The following PRMT7 variants were observed in gnomAD, a reference collection of about 807,000 sequenced individuals.
PRMT7 encodes the protein protein arginine methyltransferase 7, also known as protein arginine N-methyltransferase 7.
PRMT7 carries 75 observed loss-of-function variants against 85.4 expected under a neutral mutation model. The observed-to-expected ratio is 0.88, with a 90% CI of 0.73 to 1.06. PRMT7 has a LOEUF of 1.06. Ranked by LOEUF, PRMT7 falls within the 50% of genes least tolerant of loss-of-function variation. PRMT7 has a pLI of 0.00. For synonymous variants in PRMT7, 397 were observed against 359.5 expected (o/e 1.10, Z -1.18); for missense variants, 868 against 915.2 (o/e 0.95, Z 0.67).
At chr16:68,356,965 T>G (rs1230049841) in intron 18 of PRMT7, 89 bp from the exon 19 acceptor site, 2 of 1,458,704 alleles carry the variant, frequency 1.4e-6, no homozygotes, top group African/African-American at 2.8e-5. Flanking sequence ...AGCTTCTCTC[T>G]GCTGCGAGCT....
At position 68,347,273 on chromosome 16, in the gene PRMT7, C is replaced by T; in HGVS notation, c.1254C>T (p.Ala418=). Residue 418 remains alanine (A), a synonymous_variant, in exon 12 of 19, where the codon GCC becomes GCT. Coordinates refer to ENST00000441236, the MANE Select transcript of PRMT7 (RefSeq NM_019023.5). ...ATGGCAGCCTGCTCTCCGTGCTGGC[C>T]CATCACCTGGGGGTGGAGCAGGTAC... ...VSDGSLLSVL[A]HHLGVEQVFT... The T allele has an allele frequency of 6.5e-7, 1 of 1,549,814 alleles. No homozygotes were observed. Among genetic ancestry groups the T allele is most frequent in the Non-Finnish European group, 8.7e-7 (1 of 1,145,136 alleles).
At chr16:68,318,032 C>T (rs921588375) in intron 3 of PRMT7, among the ~76,000 whole-genome samples, 1 of 151,932 alleles carries the variant, frequency 6.6e-6, no homozygotes, top group African/African-American at 2.4e-5. Flanking sequence ...TTTGCCACTT[C>T]TTTACTCTCT....
rs553603708 is a variant in PRMT7, at chr16:68,346,286, T to C, written c.1191+6T>C. ...ACGTCCAGGCTCTGAGGACCGTAAG[T>C]GTCCAGCCCCTTGGCTTGTTGTGGG... On this transcript the variant is annotated splice_donor_region_variant and intron_variant, in intron 11 of 18. Transcript: ENST00000441236. The C allele has an allele frequency of 3.1e-6, 5 of 1,613,960 alleles. No individual in the cohort carries two copies. In the South Asian group the frequency reaches 5.5e-5, roughly 18 times the overall value.
chr16:68,336,008 C>G (rs528716182), intron 6 of PRMT7, among the ~76,000 whole-genome samples: 78 of 152,232 alleles, frequency 5.1e-4, no homozygotes, highest in Admixed American at 1.3e-3. Flanking sequence ...AACTTCTGAC[C>G]TCAGGTGATC....
Position 68,321,281 on chromosome 16 carries a change from AT to A in PRMT7, c.96-144del, listed in dbSNP as rs2082457194. On this transcript the variant is annotated intron_variant, in intron 3 of 18. Transcript: ENST00000441236. ...GAGACCCTGTCTCAAAAAAAAAAAA[AT>A]AAATAAAGATAAAAGACAACCAAAA... 3.4e-5 allele frequency: 20 copies of A among 591,092 alleles called. No homozygotes were observed. In the South Asian group the frequency reaches 3.6e-4, roughly 11 times the overall value. The allele number at this position is 591,092 out of a possible 1,614,324, so 36.6% of individuals were successfully genotyped here.
intron 1 of PRMT7, 125 bp downstream of exon 1, chr16:68,311,224 G>A (rs1232569684): frequency 7.8e-6 from 4 of 515,594 alleles, no homozygotes; most frequent in African/African-American, 5.8e-5. Context: ...ACTCCTCCGC[G>A]TGGGGCAGCT....
chr16:68,357,654 T>C lies in PRMT7; in HGVS notation c.*430T>C, dbSNP rs922381151. Reference sequence around the variant, plus strand: ...CTCTCGAGGATCTCCGGGTCCCTGCTCTTCTGGCTTCTGCTAGGAGGGTGG... The same window carrying C: ...CTCTCGAGGATCTCCGGGTCCCTGCCCTTCTGGCTTCTGCTAGGAGGGTGG... On this transcript the variant is annotated 3_prime_UTR_variant, in exon 19 of 19. Transcript: ENST00000441236. The C allele has an allele frequency of 5.0e-4, 17 of 34,216 alleles. No individual in the cohort carries two copies. Among genetic ancestry groups the C allele is most frequent in the Admixed American group, 6.0e-4 (2 of 3,346 alleles). 2.1% of individuals were successfully genotyped at this position (34,216 alleles called of 1,614,324 possible).
In PRMT7 at chr16:68,337,513, A is replaced by T; in HGVS notation, c.446A>T (p.Glu149Val). ...NILVTELFDT[E>V]LIGEGALPSY... ...CTGGTCACAGAGTTGTTTGACACAG[A>T]GCTGATCGGGGAGGGGGCGCTGCCC... Residue 149 changes from glutamate to valine, a missense_variant, in exon 7 of 19, where the codon GAG (glutamate) becomes GTG (valine). Physicochemically the swap from Glu to Val is moderately radical, Grantham distance 121. Coordinates refer to ENST00000441236, the MANE Select transcript of PRMT7 (RefSeq NM_019023.5). 6.2e-7 allele frequency: 1 copy of T among 1,612,558 alleles called. No individual in the cohort carries two copies. The highest frequency in any genetic ancestry group is 8.5e-7 in the Non-Finnish European group (1 of 1,179,066).
chr16:68,338,975 T>A (rs1370032743), intron 7 of PRMT7, among the ~76,000 whole-genome samples: 1 of 152,022 alleles, frequency 6.6e-6, no homozygotes, highest in Non-Finnish European at 1.5e-5. Flanking sequence ...ACAAGGAGGC[T>A]CTTGTTTTGG....
intron 17 of PRMT7, 44 bp from the exon 18 acceptor site, chr16:68,356,657 C>A: frequency 6.7e-7 from 1 of 1,485,406 alleles, no homozygotes; most frequent in Non-Finnish European, 9.3e-7. Flanking sequence ...TCCCCCGCTG[C>A]CTCTTGTGTG....
At chr16:68,350,001 G>T (rs562680123) in intron 14 of PRMT7, among the ~76,000 whole-genome samples, 1 of 152,350 alleles carries the variant, frequency 6.6e-6, no homozygotes, top group East Asian at 1.9e-4. Flanking sequence ...CCACTGGTCT[G>T]GTTTGTGTCT....
intron 14 of PRMT7, 40 bp from the exon 15 acceptor site, chr16:68,352,208 C>CCTA: frequency 6.2e-7 from 1 of 1,602,952 alleles, no homozygotes; most frequent in African/African-American, 1.3e-5. Context: ...TGGACCGAGC[C>CCTA]CTACTGACAC....
chr16:68,312,229 A>ATATTTTTT (rs1419393129), intron 2 of PRMT7, 53 bp downstream of exon 2: 13 of 112,680 alleles, frequency 1.2e-4, no homozygotes, highest in African/African-American at 4.8e-4. Flanking sequence ...ATATATATAT[A>ATATTTTTT]TTTTTTTTTT....
At chr16:68,349,395 A>G (rs1251698774) in intron 14 of PRMT7, among the ~76,000 whole-genome samples, 1 of 152,176 alleles carries the variant, frequency 6.6e-6, no homozygotes, top group Non-Finnish European at 1.5e-5. Context: ...TCCAGCTGCC[A>G]TCCTGTCACC....
chr16:68,357,087 G>A lies in PRMT7; in HGVS notation c.1942G>A (p.Ala648Thr). 1.9e-6 allele frequency: 3 copies of A among 1,612,700 alleles called. No individual in the cohort carries two copies. Among genetic ancestry groups the A allele is most frequent in the Non-Finnish European group, 2.5e-6 (3 of 1,179,412 alleles). Reference sequence around the variant, plus strand: ...CTGCTGGAACCCCCACTGCAAGCAGGCCGTCTACTTCTTCAGCCCTGCCCC... The same window carrying A: ...CTGCTGGAACCCCCACTGCAAGCAGACCGTCTACTTCTTCAGCCCTGCCCC... ...GCCWNPHCKQ[A>T]VYFFSPAPDP... Residue 648 changes from alanine (A) to threonine (T), a missense_variant, in exon 19 of 19, where the codon GCC (alanine) becomes ACC (threonine). Coordinates refer to ENST00000441236, the MANE Select transcript of PRMT7 (RefSeq NM_019023.5).
At chr16:68,355,203 G>A (rs2088149580) in intron 16 of PRMT7, 2 of 152,722 alleles carry the variant, frequency 1.3e-5, no homozygotes, top group Admixed American at 1.3e-4. Flanking sequence ...CTGCTCTCCT[G>A]ACTTAGCTCT....
intron 5 of PRMT7, among the ~76,000 whole-genome samples, chr16:68,327,063 CAT>C (rs914996401): frequency 1.3e-4 from 20 of 152,158 alleles, no homozygotes; most frequent in East Asian, 7.7e-4. Flanking sequence ...TCTAGGAGAA[CAT>C]GTGTGTGTAT....
At chr16:68,360,149 T>A (rs1294594152), downstream of PRMT7, 1 of 152,526 alleles carries the variant, frequency 6.6e-6, no homozygotes, top group Non-Finnish European at 1.5e-5. Context: ...AGGCAGGGGT[T>A]CCTGAGCTCA....
At chr16:68,349,751 G>A (rs1339899723) in intron 14 of PRMT7, among the ~76,000 whole-genome samples, 1 of 151,992 alleles carries the variant, frequency 6.6e-6, no homozygotes, top group South Asian at 2.1e-4. Flanking sequence ...AAAATTAACC[G>A]AGTGTGGTGG....
Sources: allele counts gnomAD v4.1 joint callset (sites outside exome capture counted in the v4.1 genomes callset), GRCh38; gene constraint gnomAD v4.1.1; transcripts MANE v1.5; gene names NCBI Gene and HGNC (gene_info 2026-07-23, HGNC 2026-07-21).